The following FRS2 variants were observed in gnomAD, a reference collection of about 807,000 sequenced individuals.
FRS2 encodes fibroblast growth factor receptor substrate 2.
Under a neutral mutation model 43.9 loss-of-function variants are expected in FRS2, and 8 were observed. The observed-to-expected ratio is 0.18, with a 90% CI of 0.11 to 0.33. The LOEUF is 0.33. Among genes scored for constraint, FRS2 ranks in the 10% least tolerant of loss-of-function variants. The pLI is 1.00. For synonymous variants in FRS2, 219 were observed against 220.3 expected, an observed-to-expected ratio of 0.99 and a Z score of 0.05; for missense variants, 534 against 627.6, an observed-to-expected ratio of 0.85 and a Z score of 1.59.
intron 1 of FRS2, among the ~76,000 whole-genome samples, chr12:69,529,835 G>A (rs1177700891): frequency 2.0e-5 from 3 of 151,994 alleles, no homozygotes; most frequent in Non-Finnish European, 4.4e-5. Context: ...TGAGGCGGGC[G>A]GATCACCTGA....
chr12:69,557,615 TGTGTGCGCGCGCGCGC>T (rs1477450369), intron 3 of FRS2, among the ~76,000 whole-genome samples: 3 of 121,958 alleles, frequency 2.5e-5, no homozygotes, highest in Admixed American at 2.3e-4. Flanking sequence ...TGTGTGTGTG[TGTGTGCGCGCGCGCGC>T]GCGCGCAGGT....
At chr12:69,573,155 C>T (rs1880906377) in intron 8 of FRS2, among the ~76,000 whole-genome samples, 1 of 152,162 alleles carries the variant, frequency 6.6e-6, no homozygotes, top group Admixed American at 6.5e-5. Context: ...TTTATATTAT[C>T]TCCCCAAAAT....
At chr12:69,478,893 T>C (rs1326000677) in intron 1 of FRS2, among the ~76,000 whole-genome samples, 1 of 152,094 alleles carries the variant, frequency 6.6e-6, no homozygotes, top group Admixed American at 6.5e-5. Context: ...GTAACCGCCA[T>C]CTGAATTTTA....
intron 3 of FRS2, 83 bp from the exon 4 acceptor site, chr12:69,562,097 A>T: frequency 2.5e-6 from 1 of 394,594 alleles, no homozygotes; most frequent in Non-Finnish European, 4.5e-6. Context: ...AGATTAACTG[A>T]ACTAACTGTG....
At chr12:69,481,652 A>G (rs1259282753) in intron 1 of FRS2, among the ~76,000 whole-genome samples, 2 of 152,066 alleles carry the variant, frequency 1.3e-5, no homozygotes, top group African/African-American at 2.4e-5. Flanking sequence ...TTGATCACAT[A>G]TTTTATTTTA....
chr12:69,542,877 TG>T (rs1331357698), intron 3 of FRS2, among the ~76,000 whole-genome samples: 3 of 152,236 alleles, frequency 2.0e-5, no homozygotes, highest in African/African-American at 7.2e-5. Context: ...ATCCCAGGAC[TG>T]CAAAACGTCA....
chr12:69,531,399 T>G (rs1162147176), intron 2 of FRS2, among the ~76,000 whole-genome samples: 4 of 152,164 alleles, frequency 2.6e-5, no homozygotes, highest in Admixed American at 2.0e-4. Flanking sequence ...TAGTACAAAT[T>G]CTACCATACA....
intron 1 of FRS2, among the ~76,000 whole-genome samples, chr12:69,498,018 ATT>A (rs11304419): frequency 0.39 from 58,953 of 151,076 alleles, 12,134 homozygotes; most frequent in South Asian, 0.59. Context: ...GTTTTTTCAG[ATT>A]TTTTTTTTAT....
chr12:69,536,139 TTTG>T (rs1877277514), intron 3 of FRS2, among the ~76,000 whole-genome samples: 4 of 41,240 alleles, frequency 9.7e-5, no homozygotes, highest in Admixed American at 2.5e-4. Flanking sequence ...TTTTTTTTTT[TTTG>T]GAGACGAAGT....
At chr12:69,554,845 C>T (rs911772596) in intron 3 of FRS2, among the ~76,000 whole-genome samples, 1 of 151,178 alleles carries the variant, frequency 6.6e-6, no homozygotes, top group Non-Finnish European at 1.5e-5. Flanking sequence ...GCTGGGATTA[C>T]AGGCATTCGC....
At chr12:69,507,107 A>G (rs1466994260) in intron 1 of FRS2, among the ~76,000 whole-genome samples, 1 of 152,170 alleles carries the variant, frequency 6.6e-6, no homozygotes, top group Non-Finnish European at 1.5e-5. Context: ...GTAAGAAATA[A>G]ATTTCATATC....
chr12:69,538,759 C>T (rs1877585073), intron 3 of FRS2, among the ~76,000 whole-genome samples: 2 of 151,970 alleles, frequency 1.3e-5, no homozygotes, highest in Non-Finnish European at 2.9e-5. Flanking sequence ...AATTTAGGTT[C>T]CCTTATATTA....
intron 1 of FRS2, among the ~76,000 whole-genome samples, chr12:69,480,004 G>T (rs1871213835): frequency 6.6e-6 from 1 of 151,938 alleles, no homozygotes; most frequent in Non-Finnish European, 1.5e-5. Flanking sequence ...GTATTGTATT[G>T]TGTTCTGGAT....
Position 69,518,027 on chromosome 12 carries a change from G to A in FRS2, c.-260-12838G>A, listed in dbSNP as rs565588203. On this transcript the variant is annotated intron_variant, in intron 1 of 8. Coordinates refer to ENST00000549921, the MANE Select transcript of FRS2 (RefSeq NM_001278356.2). The stretch of plus-strand genomic sequence containing the variant: ...ATTTTTTTTATGTATAAGGAATGAG[G>A]CACAAGTTAGGGAGGACCACTGAAT... 2.2e-4 allele frequency among the ~76,000 whole-genome samples: 34 copies of A among 152,146 alleles called. No individual in the cohort carries two copies. The East Asian group carries it at 6.2e-3, about 28-fold the overall frequency.
chr12:69,505,894 G>A (rs1048894167), intron 1 of FRS2, among the ~76,000 whole-genome samples: 20 of 152,150 alleles, frequency 1.3e-4, no homozygotes, highest in African/African-American at 4.8e-4. Flanking sequence ...TGAGTTCCTT[G>A]TCTTTTTTCT....
At chr12:69,528,077 G>C (rs1216288700) in intron 1 of FRS2, among the ~76,000 whole-genome samples, 1 of 152,134 alleles carries the variant, frequency 6.6e-6, no homozygotes, top group Non-Finnish European at 1.5e-5. Flanking sequence ...CTGTATCTTT[G>C]TTTTGGTTTT....
At chr12:69,542,802 A>G (rs1878034079) in intron 3 of FRS2, among the ~76,000 whole-genome samples, 1 of 152,256 alleles carries the variant, frequency 6.6e-6, no homozygotes, top group Admixed American at 6.5e-5. Flanking sequence ...GAAAAGCTGT[A>G]GGATGAGAAA....
Position 69,470,409 on chromosome 12 carries a change from G to T in FRS2, c.-382G>T, listed in dbSNP as rs1019515671. 3.3e-5 allele frequency: 13 copies of T among 398,550 alleles called. No individual in the cohort carries two copies. Among genetic ancestry groups the T allele is most frequent in the Non-Finnish European group, 5.7e-5 (13 of 226,156 alleles). 24.7% of individuals were successfully genotyped at this position (398,550 alleles called of 1,614,324 possible). A position where few individuals can be genotyped will look rare whatever the true frequency, so the allele number is the denominator to read the frequency against. ...TTTCCAAGATTCGGGCCGGAGAGAG[G>T]CCTTGTAGGCACAGCGGCTGAGACT... On this transcript the variant is annotated 5_prime_UTR_variant, in exon 1 of 9. Transcript: ENST00000549921.
In FRS2 at chr12:69,572,149, T is replaced by C. The variant is rs574193124; in HGVS notation, c.444T>C (p.Asn148=). Residue 148 remains asparagine (N), a synonymous_variant, in exon 8 of 9, where the codon AAT becomes AAC. Transcript: ENST00000549921. ...TPGFAAQNLP[N]GYPRYPSFGD... ...GATTTGCTGCTCAGAACTTACCTAATGGATATCCCCGATATCCCTCATTTG... is the reference window on the plus strand; with the variant it reads ...GATTTGCTGCTCAGAACTTACCTAACGGATATCCCCGATATCCCTCATTTG... 3 of 1,613,470 alleles carry C rather than the reference T, an allele frequency of 1.9e-6. No homozygotes were observed. The Admixed American group carries it at 5.0e-5, about 27-fold the overall frequency.
Sources: allele counts gnomAD v4.1 joint callset (sites outside exome capture counted in the v4.1 genomes callset), GRCh38; gene constraint gnomAD v4.1.1; transcripts MANE v1.5; gene names NCBI Gene and HGNC (gene_info 2026-07-23, HGNC 2026-07-21).